UTP11: variants seen among roughly 807,000 people sequenced by gnomAD.
UTP11 encodes UTP11 small subunit processome component.
UTP11 carries 29 observed loss-of-function variants against 39.0 expected under a neutral mutation model. The ratio of observed to expected loss-of-function variants is 0.74; its 90% CI spans 0.55 to 1.01. UTP11 has a LOEUF of 1.01. UTP11 is among the 50% of genes least tolerant of loss of function. The pLI is 0.00. For synonymous variants in UTP11, 111 were observed against 105.0 expected (o/e 1.06, Z -0.35); for missense variants, 281 against 306.0 (o/e 0.92, Z 0.61).
intron 7 of UTP11, among the ~76,000 whole-genome samples, chr1:38,023,062 CT>C (rs1300330888): frequency 6.6e-6 from 1 of 152,146 alleles, no homozygotes; most frequent in Non-Finnish European, 1.5e-5. Context: ...AGCATATGAA[CT>C]TTATAGCTTA....
At chr1:38,012,946 T>G in intron 1 of UTP11, 81 bp downstream of exon 1, 1 of 1,568,240 alleles carries the variant, frequency 6.4e-7, no homozygotes, top group African/African-American at 1.3e-5. Flanking sequence ...CACCGTGGGA[T>G]CCGGGTCCAA....
At position 38,024,495 on chromosome 1, in the gene UTP11, C is replaced by T. The variant is rs1201646269; in HGVS notation, c.*867C>T. 6.6e-6 allele frequency: 1 copy of T among 151,400 alleles called. No homozygotes were observed. Among genetic ancestry groups the T allele is most frequent in the African/African-American group, 2.4e-5 (1 of 41,242 alleles). 9.4% of individuals were successfully genotyped at this position (151,400 alleles called of 1,614,324 possible). A position where few individuals can be genotyped will look rare whatever the true frequency, so the allele number is the denominator to read the frequency against. ...TCGGCTCACTGCAAGCTCCGCTTCCCGGGTTCACGCCATTCTCCTGCCTCA... is the reference window on the plus strand; with the variant it reads ...TCGGCTCACTGCAAGCTCCGCTTCCTGGGTTCACGCCATTCTCCTGCCTCA... On this transcript the variant is annotated 3_prime_UTR_variant, in exon 8 of 8. Transcript: ENST00000373014.
At chr1:38,016,629 A>G (rs1302353676) in intron 2 of UTP11, 1 of 537,576 alleles carries the variant, frequency 1.9e-6, no homozygotes, top group Non-Finnish European at 3.4e-6. Context: ...CTGTAGTTGC[A>G]TTGTGAATTA....
At chr1:38,018,993 G>GTTTTTTT in intron 4 of UTP11, 66 bp from the exon 5 acceptor site, 2 of 1,101,764 alleles carry the variant, frequency 1.8e-6, no homozygotes, top group Admixed American at 2.8e-5. Flanking sequence ...AACTTTTGCA[G>GTTTTTTT]TTTTTTTTTT....
chr1:38,018,460 T>C lies in UTP11; in HGVS notation c.229-4T>C. Reference sequence around the variant, plus strand: ...GGAATATATCTTTTAAATTTGGATTTTAGGATGGAGTACATATTATTAAGG... The same window carrying C: ...GGAATATATCTTTTAAATTTGGATTCTAGGATGGAGTACATATTATTAAGG... On this transcript the variant is annotated splice_region_variant and splice_polypyrimidine_tract_variant and intron_variant, in intron 3 of 7. Coordinates refer to ENST00000373014, the MANE Select transcript of UTP11 (RefSeq NM_016037.4). The C allele has an allele frequency of 1.3e-6, 2 of 1,594,430 alleles. No homozygotes were observed. The highest frequency in any genetic ancestry group is 1.7e-5 in the Admixed American group (1 of 57,356).
chr1:38,021,237 A>G (rs2148739050), intron 6 of UTP11, among the ~76,000 whole-genome samples: 1 of 152,290 alleles, frequency 6.6e-6, no homozygotes, highest in East Asian at 1.9e-4. Flanking sequence ...TGTACTTTCA[A>G]TTAGCCGTGT....
rs566456695 is a variant in UTP11 at position 38,018,588 on chromosome 1, C to G, written c.342+11C>G. 3 of 1,585,344 alleles carry G rather than the reference C, an allele frequency of 1.9e-6. No individual in the cohort carries two copies. Among genetic ancestry groups the G allele is most frequent in the South Asian group, 1.1e-5 (1 of 87,614 alleles). ...GTTGCAGAAGCTAAGGTAATTCACT[C>G]TTTGTTCTGATTGGTTTTATTGGTT... On this transcript the variant is annotated intron_variant, in intron 4 of 7. Transcript: ENST00000373014.
chr1:38,023,599 T>A lies in UTP11; in HGVS notation c.733T>A (p.Tyr245Asn). Reference sequence around the variant, plus strand: ...AGAAACGGTGAACTCCCCAGCTATTTATAAATTTCAGAGTCGTCGAAAACG... The same window carrying A: ...AGAAACGGTGAACTCCCCAGCTATTAATAAATTTCAGAGTCGTCGAAAACG... ...KKETVNSPAI[Y>N]KFQSRRKR Residue 245 changes from tyrosine to asparagine, a missense_variant, in exon 8 of 8, where the codon TAT (tyrosine) becomes AAT (asparagine). Tyr to Asn is a moderately radical substitution (Grantham distance 143). Coordinates refer to ENST00000373014, the MANE Select transcript of UTP11 (RefSeq NM_016037.4). 1 of 1,611,138 alleles carries A rather than the reference T, an allele frequency of 6.2e-7. No individual in the cohort carries two copies. Among genetic ancestry groups the A allele is most frequent in the Non-Finnish European group, 8.5e-7 (1 of 1,178,834 alleles).
intron 4 of UTP11, among the ~76,000 whole-genome samples, 179 bp downstream of exon 4, chr1:38,018,756 A>G (rs1165558020): frequency 1.3e-5 from 2 of 152,186 alleles, no homozygotes; most frequent in African/African-American, 2.4e-5. Flanking sequence ...AATGAGACAG[A>G]CCTAGGGTTT....
At chr1:38,013,170 G>A (rs773458716) in intron 1 of UTP11, among the ~76,000 whole-genome samples, 2 of 152,220 alleles carry the variant, frequency 1.3e-5, no homozygotes, top group African/African-American at 2.4e-5. Flanking sequence ...CTTCTGAGGA[G>A]TTGAGGTCAG....
In UTP11 at chr1:38,012,790, A is replaced by G. The variant is rs1646685315; in HGVS notation, c.-13A>G. 6.2e-7 allele frequency: 1 copy of G among 1,614,152 alleles called. No individual in the cohort carries two copies. Among genetic ancestry groups the G allele is most frequent in the Non-Finnish European group, 8.5e-7 (1 of 1,180,020 alleles). On this transcript the variant is annotated 5_prime_UTR_variant, in exon 1 of 8. Coordinates refer to ENST00000373014, the MANE Select transcript of UTP11 (RefSeq NM_016037.4). Reference sequence around the variant, plus strand: ...CGGCGTTCTCCACTGATCTTTTCCAAGGCTGTACAGACATGGCGGCGGCTT... The same window carrying G: ...CGGCGTTCTCCACTGATCTTTTCCAGGGCTGTACAGACATGGCGGCGGCTT...
intron 7 of UTP11, 146 bp downstream of exon 7, chr1:38,022,955 G>A (rs891974543): frequency 9.6e-6 from 6 of 625,510 alleles, no homozygotes; most frequent in Admixed American, 2.9e-5. Context: ...TTGAGCCAGT[G>A]TCTGTTACTC....
chr1:38,016,917 T>C (rs1343850124), intron 2 of UTP11: 1 of 159,314 alleles, frequency 6.3e-6, no homozygotes, highest in Non-Finnish European at 1.4e-5. Context: ...TAGCACTTTG[T>C]TTGCAAAATA....
intron 1 of UTP11, among the ~76,000 whole-genome samples, chr1:38,015,312 C>G (rs1424107663): frequency 6.6e-6 from 1 of 152,202 alleles, no homozygotes; most frequent in South Asian, 2.1e-4. Flanking sequence ...TGAGCCACTG[C>G]ACCCGGCCTA....
chr1:38,013,817 C>T (rs1242565070), intron 1 of UTP11, among the ~76,000 whole-genome samples: 1 of 152,124 alleles, frequency 6.6e-6, no homozygotes, highest in African/African-American at 2.4e-5. Flanking sequence ...CAGGTTCAAG[C>T]GGTTCTCCTG....
In UTP11 at chr1:38,013,383, C is replaced by G. The variant is rs560380573; in HGVS notation, c.63+518C>G. Among the ~76,000 whole-genome samples the G allele has an allele frequency of 3.9e-4, 60 of 152,322 alleles. 1 individual carries two copies. The South Asian group carries it at 0.012, about 31-fold the overall frequency. ...CCCCTTAATGTTGGCCTTTTCCATTCCCATTATACAGATGAGGAAACTGAG... is the reference window on the plus strand; with the variant it reads ...CCCCTTAATGTTGGCCTTTTCCATTGCCATTATACAGATGAGGAAACTGAG... On this transcript the variant is annotated intron_variant, in intron 1 of 7. Coordinates refer to ENST00000373014, the MANE Select transcript of UTP11 (RefSeq NM_016037.4).
rs1646684326 is a variant in UTP11, at chr1:38,012,735, G to C, written c.-68G>C. On this transcript the variant is annotated 5_prime_UTR_variant, in exon 1 of 8. Coordinates refer to ENST00000373014, the MANE Select transcript of UTP11 (RefSeq NM_016037.4). ...CTAGGCCTATTTCCGGTAGGAATCA[G>C]TGGACTTGGCGGCAGAGGCAGTGCG... 6.2e-7 allele frequency: 1 copy of C among 1,606,536 alleles called. No homozygotes were observed. Among genetic ancestry groups the C allele is most frequent in the Non-Finnish European group, 8.5e-7 (1 of 1,173,308 alleles).
intron 1 of UTP11, among the ~76,000 whole-genome samples, chr1:38,016,026 T>C (rs565468145): frequency 6.6e-6 from 1 of 152,372 alleles, no homozygotes; most frequent in South Asian, 2.1e-4. Context: ...CCCTTTGTAG[T>C]ATTTTATAAA....
At chr1:38,017,631 T>TC in intron 2 of UTP11, 37 bp from the exon 3 acceptor site, 1 of 1,401,602 alleles carries the variant, frequency 7.1e-7, no homozygotes, top group Non-Finnish European at 9.5e-7. Context: ...TCTATTTTTT[T>TC]TTTTTTGCTA....
Sources: allele counts gnomAD v4.1 joint callset (sites outside exome capture counted in the v4.1 genomes callset), GRCh38; gene constraint gnomAD v4.1.1; transcripts MANE v1.5; gene names NCBI Gene and HGNC (gene_info 2026-07-23, HGNC 2026-07-21).